The following MIB2 variants were observed in gnomAD, a reference collection of about 807,000 sequenced individuals.
MIB2 encodes the protein E3 ubiquitin-protein ligase MIB2.
In MIB2, 78 loss-of-function variants were observed where a neutral mutation model predicts 96.6. That is an observed-to-expected ratio of 0.81 (90% CI 0.67 to 0.97). MIB2 has a LOEUF of 0.97. Ranked by LOEUF, MIB2 falls within the 50% of genes least tolerant of loss-of-function variation. The pLI, the probability that MIB2 is intolerant of heterozygous loss-of-function variation, is 0.00. For missense variants in MIB2, 1,543 were observed against 1,424.0 expected (o/e 1.08, Z -1.35); for synonymous variants, 820 against 629.5 (o/e 1.30, Z -4.53).
rs1420163296 is a variant in MIB2, at chr1:1,625,610, A to G, written c.929A>G (p.Asn310Ser). The G allele has an allele frequency of 3.8e-6, 6 of 1,577,626 alleles. No homozygotes were observed. Among genetic ancestry groups the G allele is most frequent in the Non-Finnish European group, 5.2e-6 (6 of 1,162,272 alleles). ...CGCGGGGACGTGCGCGTGCAGTTCA[A>G]CCACGAGACGCGCTGGACCTTCCAC... ...TDRGDVRVQF[N>S]HETRWTFHPG... The change falls in exon 8 of 20, where the codon AAC (asparagine) becomes AGC (serine). Residue 310 changes from asparagine (N) to serine (S), a missense_variant. Transcript: ENST00000355826. This position sits in a 1 kb window ranked among gnomAD's most constrained non-coding sequence, Gnocchi z 5.0.
At chr1:1,622,495 C>T (rs576530528) in intron 2 of MIB2, among the ~76,000 whole-genome samples, 2 of 152,220 alleles carry the variant, frequency 1.3e-5, no homozygotes, top group South Asian at 4.1e-4. Flanking sequence ...CTGTGGCTGA[C>T]TCCATCCCTG....
chr1:1,629,652 G>A lies in MIB2; in HGVS notation c.2577G>A (p.Arg859=), dbSNP rs200777664. 2.1e-4 allele frequency: 331 copies of A among 1,598,562 alleles called. No individual in the cohort carries two copies. Among genetic ancestry groups the A allele is most frequent in the African/African-American group, 8.5e-4 (63 of 74,066 alleles). The change falls in exon 19 of 20, where the codon AGG becomes AGA. Residue 859 remains arginine (R), a synonymous_variant. Coordinates refer to ENST00000355826, the MANE Select transcript of MIB2 (RefSeq NM_001170687.4). ...TCCTCTTCGCAGAGTGCGCGCGCAGGATGAAGAAGTGCATCAGGTGCCAGG... is the reference window on the plus strand; with the variant it reads ...TCCTCTTCGCAGAGTGCGCGCGCAGAATGAAGAAGTGCATCAGGTGCCAGG... ...HRTVCEECAR[R]MKKCIRCQVV...
At position 1,616,494 on chromosome 1, in the gene MIB2, C is replaced by T. The variant is rs377615140; in HGVS notation, c.-129-14C>T. The T allele has an allele frequency of 6.4e-6, 10 of 1,553,476 alleles. No individual in the cohort carries two copies. The highest frequency in any genetic ancestry group is 2.4e-5 in the East Asian group (1 of 42,278). Reference sequence around the variant, plus strand: ...GTGCTAACTGTGCATCTTGGCATCTCCCCTCGGCCACAGGGTTGGAAGCCC... The same window carrying T: ...GTGCTAACTGTGCATCTTGGCATCTTCCCTCGGCCACAGGGTTGGAAGCCC... On this transcript the variant is annotated splice_polypyrimidine_tract_variant and intron_variant, in intron 1 of 19. Transcript: ENST00000355826.
rs758610664 is a variant in MIB2 at position 1,615,590 on chromosome 1, C to T, written c.-173C>T. On this transcript the variant is annotated 5_prime_UTR_variant, in exon 1 of 20. Coordinates refer to ENST00000355826, the MANE Select transcript of MIB2 (RefSeq NM_001170687.4). ...GGAGCCCGAAGCCGTCCCCGAGTCG[C>T]TCCTAGGTCACTGGCGCGATGCGGG... 1.3e-6 allele frequency: 2 copies of T among 1,558,820 alleles called. No individual in the cohort carries two copies. Among genetic ancestry groups the T allele is most frequent in the South Asian group, 1.2e-5 (1 of 84,686 alleles).
upstream of MIB2, chr1:1,615,382 A>T (rs1643490861): frequency 1.4e-6 from 2 of 1,430,118 alleles, no homozygotes; most frequent in African/African-American, 1.5e-5. Context: ...TGCGCCACGC[A>T]GGGTAGGCGA....
At chr1:1,619,711 T>C (rs1272297038) in intron 2 of MIB2, among the ~76,000 whole-genome samples, 1 of 152,150 alleles carries the variant, frequency 6.6e-6, no homozygotes, top group Non-Finnish European at 1.5e-5. Context: ...CCAGCTCCCC[T>C]GTCCAGGCTC....
chr1:1,620,115 A>G (rs1644117357), intron 2 of MIB2, among the ~76,000 whole-genome samples: 1 of 152,228 alleles, frequency 6.6e-6, no homozygotes, highest in Admixed American at 6.5e-5. Context: ...GCCAAAGCAC[A>G]GGACACATTG....
chr1:1,625,901 T>C lies in MIB2; in HGVS notation c.972+248T>C. On this transcript the variant is annotated intron_variant, in intron 8 of 19. Coordinates refer to ENST00000355826, the MANE Select transcript of MIB2 (RefSeq NM_001170687.4). The surrounding 1 kb of genome is among the most constrained non-coding windows in gnomAD (Gnocchi z 5.0). ...GAATGGGCAGGTTAGGGCCTCCCTC[T>C]GTTCCAGGACACCAGGAAGGCAGGA... The C allele has an allele frequency of 1.8e-6, 1 of 558,586 alleles. No individual in the cohort carries two copies. Among genetic ancestry groups the C allele is most frequent in the Non-Finnish European group, 3.2e-6 (1 of 311,704 alleles). The allele number at this position is 558,586 out of a possible 1,614,324, so 34.6% of individuals were successfully genotyped here.
At chr1:1,620,717 T>G (rs1644185290) in intron 2 of MIB2, among the ~76,000 whole-genome samples, 1 of 152,246 alleles carries the variant, frequency 6.6e-6, no homozygotes, top group Non-Finnish European at 1.5e-5. Context: ...TGCCTCACCC[T>G]TCTTGGGTGC....
intron 16 of MIB2, 57 bp downstream of exon 16, chr1:1,628,779 C>T: frequency 1.5e-6 from 2 of 1,364,848 alleles, no homozygotes; most frequent in Non-Finnish European, 2.0e-6. Context: ...GCAGCAGGCT[C>T]TGGGCAGGGC....
At position 1,620,217 on chromosome 1, in the gene MIB2, C is replaced by G. The variant is rs191429347; in HGVS notation, c.-22-3214C>G. Among the ~76,000 whole-genome samples, 290 of 152,374 alleles carry G rather than the reference C, an allele frequency of 1.9e-3. 4 individuals are homozygous for G. The highest frequency in any genetic ancestry group is 0.018 in the South Asian group (89 of 4,830). Reference sequence around the variant, plus strand: ...GGGCAGGTGTGGCCGCTGGCCTGGGCTAAGCTGGCTGTGGCTGAGAGTCTG... The same window carrying G: ...GGGCAGGTGTGGCCGCTGGCCTGGGGTAAGCTGGCTGTGGCTGAGAGTCTG... On this transcript the variant is annotated intron_variant, in intron 2 of 19. Transcript: ENST00000355826.
At chr1:1,616,259 T>G in intron 1 of MIB2, 1 of 391,732 alleles carries the variant, frequency 2.6e-6, no homozygotes, top group Non-Finnish European at 3.7e-6. Context: ...CCCGTGCGCG[T>G]CCCGGAGCCT....
At chr1:1,616,815 A>G in intron 2 of MIB2, 2 of 520,340 alleles carry the variant, frequency 3.8e-6, no homozygotes, top group Non-Finnish European at 6.8e-6. Flanking sequence ...GGCCTCTGAT[A>G]GGCACCTGCA....
In MIB2 at chr1:1,626,927, T is replaced by C; in HGVS notation, c.1168T>C (p.Ser390Pro). 1 of 1,610,224 alleles carries C rather than the reference T, an allele frequency of 6.2e-7. No individual in the cohort carries two copies. The highest frequency in any genetic ancestry group is 8.5e-7 in the Non-Finnish European group (1 of 1,179,512). The change falls in exon 10 of 20, where the codon TCC (serine) becomes CCC (proline). Residue 390 changes from serine to proline, a missense_variant. Physicochemically the swap from Ser to Pro is moderately conservative, Grantham distance 74 (BLOSUM62 -1). Transcript: ENST00000355826. This position sits in a 1 kb window ranked among gnomAD's most constrained non-coding sequence, Gnocchi z 5.3. The part of the protein sequence containing the change: ...VAGQRWTFSP[S>P]CLVAYRPEED... Reference sequence around the variant, plus strand: ...TGGTCAGCGGTGGACCTTCAGCCCCTCCTGCCTGGTGGCCTACCGGCCCGA... The same window carrying C: ...TGGTCAGCGGTGGACCTTCAGCCCCCCCTGCCTGGTGGCCTACCGGCCCGA...
chr1:1,629,626 C>T lies in MIB2; in HGVS notation c.2564-13C>T, dbSNP rs372458404. 6 of 1,579,656 alleles carry T rather than the reference C, an allele frequency of 3.8e-6. No individual in the cohort carries two copies. The East Asian group carries it at 7.1e-5, about 19-fold the overall frequency. ...TAGTAGGGCCGCAGCCAACCGCGCT[C>T]TCCTCTTCGCAGAGTGCGCGCGCAG... On this transcript the variant is annotated splice_polypyrimidine_tract_variant and intron_variant, in intron 18 of 19. Coordinates refer to ENST00000355826, the MANE Select transcript of MIB2 (RefSeq NM_001170687.4).
At chr1:1,615,061 C>T (rs568471866), upstream of MIB2, 25 of 205,266 alleles carry the variant, frequency 1.2e-4, no homozygotes, top group South Asian at 2.5e-3. Context: ...ACTAGCAGTG[C>T]ATTGTTCAGA....
At chr1:1,627,027 G>C in intron 10 of MIB2, 28 bp downstream of exon 10, 1 of 1,606,922 alleles carries the variant, frequency 6.2e-7, no homozygotes, top group Non-Finnish European at 8.5e-7. Context: ...CGGCCAGTGG[G>C]AGGTGGGGCT....
At chr1:1,613,834 GGATGAGAGCAGAGAAAAGCTCGA>G (rs1326255578), upstream of MIB2, 1 of 152,252 alleles carries the variant, frequency 6.6e-6, no homozygotes, top group East Asian at 1.9e-4. Context: ...TGAGTCTCAA[GGATGAGAGCAGAGAAAAGCTCGA>G]GATAAGAGCT....
At chr1:1,622,786 A>G (rs1644376000) in intron 2 of MIB2, among the ~76,000 whole-genome samples, 1 of 152,184 alleles carries the variant, frequency 6.6e-6, no homozygotes, top group African/African-American at 2.4e-5. Flanking sequence ...GCCTCGCTGC[A>G]CTGTCCCTGA....
Sources: gnomAD v4.1 joint callset for allele counts (sites outside exome capture counted in the v4.1 genomes callset) on GRCh38, gnomAD v4.1.1 for gene constraint, Gnocchi (gnomAD v3.1) non-coding constraint, MANE v1.5 for transcripts, NCBI Gene and HGNC (gene_info 2026-07-23, HGNC 2026-07-21) for gene names.